KLHL1: variants seen among roughly 807,000 people sequenced by gnomAD.
KLHL1 encodes the protein kelch-like protein 1.
KLHL1 carries 47 observed loss-of-function variants against 77.7 expected under a neutral mutation model. That is an observed-to-expected ratio of 0.60 (90% CI 0.48 to 0.77). The LOEUF (loss-of-function observed/expected upper bound fraction) is 0.77, where lower values mean the gene tolerates loss of function less well. KLHL1 is among the 30% of genes least tolerant of loss of function. The probability of loss-of-function intolerance (pLI) is 0.00; values close to 1 mark genes in which losing one functional copy is unlikely to be tolerated. For synonymous variants in KLHL1, 360 were observed against 325.2 expected, an observed-to-expected ratio of 1.11 and a Z score of -1.15; for missense variants, 925 against 910.8, an observed-to-expected ratio of 1.02 and a Z score of -0.20.
chr13:69,822,321 G>A (rs916778846), intron 6 of KLHL1, among the ~76,000 whole-genome samples: 17 of 151,972 alleles, frequency 1.1e-4, no homozygotes, highest in Non-Finnish European at 2.1e-4. Context: ...AACATATAAG[G>A]AGCAGACAGT....
intron 1 of KLHL1, among the ~76,000 whole-genome samples, chr13:70,067,900 G>A (rs985385301): frequency 1.3e-5 from 2 of 152,008 alleles, no homozygotes; most frequent in Non-Finnish European, 2.9e-5. Context: ...TTGAAGAACT[G>A]GGAAGCTACA....
intron 10 of KLHL1, among the ~76,000 whole-genome samples, chr13:69,707,301 T>G (rs2137873202): frequency 6.6e-6 from 1 of 152,134 alleles, no homozygotes; most frequent in South Asian, 2.1e-4. Context: ...CATTATAAGT[T>G]AAGGTTTTGT....
chr13:69,780,749 T>TATATATACATATATATATACAC (rs1566244190), intron 7 of KLHL1, among the ~76,000 whole-genome samples: 5 of 121,250 alleles, frequency 4.1e-5, no homozygotes, highest in African/African-American at 1.6e-4. Context: ...TATATACATA[T>TATATATACATATATATATACAC]ATATATATAC....
At chr13:69,822,879 G>A (rs1042482119) in intron 6 of KLHL1, among the ~76,000 whole-genome samples, 2 of 152,150 alleles carry the variant, frequency 1.3e-5, no homozygotes, top group South Asian at 2.1e-4. Context: ...GAAAACAATG[G>A]CTAATAAATA....
intron 7 of KLHL1, among the ~76,000 whole-genome samples, chr13:69,791,092 C>G (rs1876852608): frequency 6.6e-6 from 1 of 151,604 alleles, no homozygotes; most frequent in Non-Finnish European, 1.5e-5. Context: ...ATAATAAATA[C>G]AAAGAAATAT....
chr13:69,828,378 T>C (rs1245068740), intron 6 of KLHL1, among the ~76,000 whole-genome samples: 2 of 150,230 alleles, frequency 1.3e-5, no homozygotes, highest in African/African-American at 2.5e-5. Flanking sequence ...GGATGAGCCC[T>C]GTAGGCACTC....
At chr13:69,906,887 C>A (rs1216294070) in intron 4 of KLHL1, among the ~76,000 whole-genome samples, 2 of 151,924 alleles carry the variant, frequency 1.3e-5, no homozygotes, top group Non-Finnish European at 2.9e-5. Flanking sequence ...CATTAGCAAG[C>A]TTTCTCAGTT....
intron 5 of KLHL1, 37 bp from the exon 6 acceptor site, chr13:69,839,199 C>G: frequency 7.3e-7 from 1 of 1,363,176 alleles, no homozygotes; most frequent in Non-Finnish European, 1.0e-6. Context: ...ATAATGTTTT[C>G]AAAGAGATGA....
intron 5 of KLHL1, among the ~76,000 whole-genome samples, chr13:69,864,127 A>G (rs1004526595): frequency 1.3e-5 from 2 of 151,962 alleles, no homozygotes; most frequent in African/African-American, 4.8e-5. Flanking sequence ...TATAGCATCT[A>G]TCTCTTACTC....
rs1271894027 is a variant in KLHL1 at position 70,067,825 on chromosome 13, T to A, written c.497+39378A>T. Among the ~76,000 whole-genome samples, 3 of 152,272 alleles carry A rather than the reference T, an allele frequency of 2.0e-5. No individual in the cohort carries two copies. In the East Asian group the frequency reaches 5.8e-4, roughly 29 times the overall value. ...CTCCACCATAACCATTATGCCATCA[T>A]AACCATTGATCCAATAATATGACAA... On this transcript the variant is annotated intron_variant, in intron 1 of 10. Coordinates refer to ENST00000377844, the MANE Select transcript of KLHL1 (RefSeq NM_020866.3).
intron 1 of KLHL1, among the ~76,000 whole-genome samples, chr13:70,106,757 A>C (rs548135850): frequency 6.6e-6 from 1 of 152,310 alleles, no homozygotes; most frequent in East Asian, 1.9e-4. Flanking sequence ...CCTGGAATAG[A>C]TTCAAACCAC....
At chr13:70,014,036 T>C (rs1405342549) in intron 1 of KLHL1, among the ~76,000 whole-genome samples, 1 of 152,144 alleles carries the variant, frequency 6.6e-6, no homozygotes, top group African/African-American at 2.4e-5. Flanking sequence ...AGAGAAAATA[T>C]ATTCAATTTT....
chr13:70,106,291 A>G (rs1299026081), intron 1 of KLHL1, among the ~76,000 whole-genome samples: 2 of 152,098 alleles, frequency 1.3e-5, no homozygotes, highest in East Asian at 3.9e-4. Flanking sequence ...TTAATAATGT[A>G]TTCTGATATC....
chr13:69,797,819 A>T (rs1183702730), intron 6 of KLHL1, among the ~76,000 whole-genome samples: 2 of 137,498 alleles, frequency 1.5e-5, no homozygotes, highest in Non-Finnish European at 1.6e-5. Flanking sequence ...ACAGAGCGAG[A>T]CTCCATCTAA....
chr13:70,035,543 T>C (rs1410556348), intron 1 of KLHL1, among the ~76,000 whole-genome samples: 2 of 151,882 alleles, frequency 1.3e-5, no homozygotes, highest in African/African-American at 4.8e-5. Context: ...ACAAACTAAA[T>C]AAGATAATTT....
At chr13:69,958,406 C>A (rs1282967348) in intron 3 of KLHL1, among the ~76,000 whole-genome samples, 4 of 151,642 alleles carry the variant, frequency 2.6e-5, no homozygotes, top group East Asian at 3.9e-4. Context: ...TTAATATGTA[C>A]AATTTTTTAC....
At chr13:69,864,333 T>G (rs1880287755) in intron 5 of KLHL1, among the ~76,000 whole-genome samples, 1 of 151,938 alleles carries the variant, frequency 6.6e-6, no homozygotes, top group Non-Finnish European at 1.5e-5. Context: ...GTATGTTATC[T>G]TCATAGGTAA....
At chr13:70,087,068 G>A (rs766826995) in intron 1 of KLHL1, among the ~76,000 whole-genome samples, 11 of 152,092 alleles carry the variant, frequency 7.2e-5, no homozygotes, top group African/African-American at 2.2e-4. Context: ...CAGTGTTTGC[G>A]TACAGTCCAG....
At chr13:69,877,743 G>C (rs1880821866) in intron 5 of KLHL1, among the ~76,000 whole-genome samples, 2 of 152,116 alleles carry the variant, frequency 1.3e-5, no homozygotes, top group Admixed American at 6.6e-5. Flanking sequence ...AGAGGACAGA[G>C]AGCAACAGTG....
Sources: gnomAD v4.1 joint callset for allele counts (sites outside exome capture counted in the v4.1 genomes callset) on GRCh38, gnomAD v4.1.1 for gene constraint, MANE v1.5 for transcripts, NCBI Gene and HGNC (gene_info 2026-07-23, HGNC 2026-07-21) for gene names.